UHRF2: variants seen among roughly 807,000 people sequenced by gnomAD.
UHRF2 encodes E3 ubiquitin-protein ligase UHRF2.
UHRF2 carries 23 observed loss-of-function variants against 96.8 expected under a neutral mutation model. The observed-to-expected ratio is 0.24, with a 90% CI of 0.17 to 0.34. The LOEUF is 0.34. Among genes scored for constraint, UHRF2 ranks in the 10% least tolerant of loss-of-function variants. UHRF2 has a pLI of 1.00. For missense variants in UHRF2, 685 were observed against 981.5 expected, an observed-to-expected ratio of 0.70 and a Z score of 4.04; for synonymous variants, 385 against 332.6, an observed-to-expected ratio of 1.16 and a Z score of -1.72.
intron 1 of UHRF2, chr9:6,413,980 C>A (rs944930132): frequency 5.1e-6 from 1 of 194,270 alleles, no homozygotes; most frequent in East Asian, 1.2e-4. Flanking sequence ...GGCCTGGGGC[C>A]CCCAGAGGGC....
At chr9:6,433,024 A>G (rs1453237865) in intron 2 of UHRF2, among the ~76,000 whole-genome samples, 2 of 152,008 alleles carry the variant, frequency 1.3e-5, no homozygotes, top group Admixed American at 1.3e-4. Context: ...TATTTTTAGT[A>G]GAGACGGGGT....
At chr9:6,489,416 G>C (rs1008122100) in intron 9 of UHRF2, among the ~76,000 whole-genome samples, 7 of 152,126 alleles carry the variant, frequency 4.6e-5, no homozygotes, top group African/African-American at 1.7e-4. Flanking sequence ...TTATTTCTTT[G>C]GAATAAATGC....
intron 3 of UHRF2, chr9:6,434,408 G>T: frequency 5.0e-6 from 2 of 401,096 alleles, no homozygotes; most frequent in Non-Finnish European, 8.7e-6. Context: ...CTTAATTTAG[G>T]GTGTATGGGT....
intron 4 of UHRF2, among the ~76,000 whole-genome samples, chr9:6,473,717 G>A (rs953558685): frequency 1.3e-5 from 2 of 152,138 alleles, no homozygotes; most frequent in Admixed American, 1.3e-4. Context: ...CAGATGGTCT[G>A]TCACAACTAC....
intron 2 of UHRF2, among the ~76,000 whole-genome samples, chr9:6,429,591 G>A (rs546192153): frequency 6.6e-6 from 1 of 152,042 alleles, no homozygotes; most frequent in South Asian, 2.1e-4. Flanking sequence ...TCGGCCTCCC[G>A]AAGTGCTGGA....
At chr9:6,459,311 A>C (rs1029315093) in intron 3 of UHRF2, among the ~76,000 whole-genome samples, 3 of 152,230 alleles carry the variant, frequency 2.0e-5, no homozygotes, top group Non-Finnish European at 4.4e-5. Flanking sequence ...AAGTACTGCA[A>C]AATGGCAGAA....
chr9:6,425,123 T>C (rs987099304), intron 2 of UHRF2, among the ~76,000 whole-genome samples: 1 of 152,172 alleles, frequency 6.6e-6, no homozygotes. Flanking sequence ...CACTGTACAG[T>C]CCACACTTAA....
chr9:6,495,747 G>C (rs1408778308), intron 10 of UHRF2: 1 of 152,078 alleles, frequency 6.6e-6, no homozygotes, highest in Non-Finnish European at 1.5e-5. Flanking sequence ...TCATATACTT[G>C]AATAGCCTAA....
chr9:6,444,531 AAC>A (rs1177284662), intron 3 of UHRF2, among the ~76,000 whole-genome samples: 1 of 152,220 alleles, frequency 6.6e-6, no homozygotes, highest in African/African-American at 2.4e-5. Flanking sequence ...GTGTTTAAGA[AAC>A]AGATTCCTGA....
At chr9:6,471,092 A>G (rs982243112) in intron 4 of UHRF2, among the ~76,000 whole-genome samples, 21 of 152,356 alleles carry the variant, frequency 1.4e-4, no homozygotes, top group African/African-American at 5.0e-4. Flanking sequence ...TGACAACAGC[A>G]AAGACTTTTC....
intron 2 of UHRF2, among the ~76,000 whole-genome samples, chr9:6,433,163 G>T (rs891715777): frequency 1.4e-4 from 21 of 152,110 alleles, no homozygotes; most frequent in African/African-American, 5.1e-4. Flanking sequence ...TAAAAGGAGA[G>T]GATTTGTTTT....
intron 1 of UHRF2, among the ~76,000 whole-genome samples, chr9:6,419,365 G>C (rs1437491396): frequency 6.6e-6 from 1 of 152,130 alleles, no homozygotes; most frequent in Non-Finnish European, 1.5e-5. Flanking sequence ...CTTCCTGGAA[G>C]ACTTCTTGAT....
At chr9:6,433,519 G>A (rs546962048) in intron 2 of UHRF2, among the ~76,000 whole-genome samples, 22 of 151,942 alleles carry the variant, frequency 1.4e-4, no homozygotes, top group Non-Finnish European at 2.8e-4. Context: ...TTATCTTTAG[G>A]ATTATGAAGA....
intron 3 of UHRF2, among the ~76,000 whole-genome samples, chr9:6,443,022 A>C (rs557740065): frequency 6.6e-6 from 1 of 152,296 alleles, no homozygotes; most frequent in Admixed American, 6.5e-5. Flanking sequence ...TCGGGTTATA[A>C]CTTTTAGCTG....
chr9:6,461,300 T>G (rs1240285656), intron 4 of UHRF2, among the ~76,000 whole-genome samples: 4 of 151,868 alleles, frequency 2.6e-5, no homozygotes, highest in Non-Finnish European at 5.9e-5. Flanking sequence ...TTTCTATCAT[T>G]TCTTTCTTTT....
intron 2 of UHRF2, among the ~76,000 whole-genome samples, chr9:6,433,062 A>G (rs1318246706): frequency 1.3e-5 from 2 of 152,082 alleles, no homozygotes; most frequent in Admixed American, 1.3e-4. Flanking sequence ...GCTGGTCTTG[A>G]CCTCAAGTGA....
At chr9:6,498,246 C>A in intron 12 of UHRF2, 88 bp downstream of exon 12, 2 of 1,365,412 alleles carry the variant, frequency 1.5e-6, no homozygotes, top group Non-Finnish European at 9.9e-7. Flanking sequence ...ATATAACCCA[C>A]AGCAATTGAC....
chr9:6,435,736 A>G (rs1820806608), intron 3 of UHRF2, among the ~76,000 whole-genome samples: 1 of 152,082 alleles, frequency 6.6e-6, no homozygotes, highest in Admixed American at 6.6e-5. Flanking sequence ...CCTCCTGAGT[A>G]GCTGGGGGCT....
At chr9:6,414,586 C>T (rs1819481981) in intron 1 of UHRF2, among the ~76,000 whole-genome samples, 1 of 152,158 alleles carries the variant, frequency 6.6e-6, no homozygotes. Flanking sequence ...TCTTTGTCTT[C>T]ATGTTGTTGT....
Sources: allele counts gnomAD v4.1 joint callset (sites outside exome capture counted in the v4.1 genomes callset), GRCh38; gene constraint gnomAD v4.1.1; transcripts MANE v1.5; gene names NCBI Gene and HGNC (gene_info 2026-07-23, HGNC 2026-07-21).